CSNK1G1: variants seen among roughly 807,000 people sequenced by gnomAD.
CSNK1G1 encodes the protein casein kinase I isoform gamma-1.
Under a neutral mutation model 59.6 loss-of-function variants are expected in CSNK1G1, and 22 were observed. The ratio of observed to expected loss-of-function variants is 0.37; its 90% confidence interval spans 0.26 to 0.53. CSNK1G1 has a LOEUF of 0.53. Ranked by LOEUF, CSNK1G1 falls within the 20% of genes least tolerant of loss-of-function variation. The probability of loss-of-function intolerance (pLI) is 0.89; values close to 1 mark genes in which losing one functional copy is unlikely to be tolerated. For missense variants in CSNK1G1, 384 were observed against 519.5 expected, an observed-to-expected ratio of 0.74 and a Z score of 2.54; for synonymous variants, 179 against 177.1, an observed-to-expected ratio of 1.01 and a Z score of -0.08.
intron 10 of CSNK1G1, among the ~76,000 whole-genome samples, chr15:64,202,211 G>C (rs1024566026): frequency 6.6e-6 from 1 of 152,040 alleles, no homozygotes. Flanking sequence ...TAATTTGCCC[G>C]GGTAGAAGAA....
rs112980670 is a variant in CSNK1G1 at position 64,337,441 on chromosome 15, T to A, written c.-225+18547A>T. On this transcript the variant is annotated intron_variant, in intron 1 of 11. Transcript: ENST00000303052. ...ATAGCTCACTGCAGCCTCGAACTCC[T>A]GGGTTCAAGCTATTCTACCACTTCA... 6.9e-3 allele frequency among the ~76,000 whole-genome samples: 1,054 copies of A among 152,258 alleles called. 11 individuals are homozygous for A. Among genetic ancestry groups the A allele is most frequent in the African/African-American group, 0.017 (710 of 41,554 alleles).
At chr15:64,320,516 C>T (rs1365716194) in intron 1 of CSNK1G1, among the ~76,000 whole-genome samples, 2 of 151,354 alleles carry the variant, frequency 1.3e-5, no homozygotes, top group African/African-American at 4.9e-5. Flanking sequence ...CTGTCTCTAC[C>T]AAAAATACAA....
intron 2 of CSNK1G1, among the ~76,000 whole-genome samples, chr15:64,274,033 T>C (rs1040219629): frequency 2.0e-5 from 3 of 152,240 alleles, no homozygotes; most frequent in Admixed American, 2.0e-4. Flanking sequence ...CACAGAAGTA[T>C]AATAAGTGAG....
At chr15:64,336,005 A>T (rs554076595) in intron 1 of CSNK1G1, 2 of 152,336 alleles carry the variant, frequency 1.3e-5, no homozygotes, top group African/African-American at 4.8e-5. Context: ...CAATAAATTT[A>T]TGGAGCATGA....
At chr15:64,175,715 A>G (rs898227534) in intron 11 of CSNK1G1, among the ~76,000 whole-genome samples, 1 of 152,176 alleles carries the variant, frequency 6.6e-6, no homozygotes, top group African/African-American at 2.4e-5. Context: ...AACAACAACA[A>G]AACATCCACC....
In CSNK1G1 at chr15:64,179,179, G is replaced by C. The variant is rs77986013; in HGVS notation, c.1214+1169C>G. On this transcript the variant is annotated intron_variant, in intron 11 of 11. Transcript: ENST00000303052. The stretch of plus-strand genomic sequence containing the variant: ...GAGGATCACTTGAGCTTGGGGAATA[G>C]AGGCTGCAGTTAGCCATGATCGTGC... 8.3e-3 allele frequency among the ~76,000 whole-genome samples: 1,256 copies of C among 152,234 alleles called. 17 individuals carry two copies. Among genetic ancestry groups the C allele is most frequent in the African/African-American group, 0.028 (1,178 of 41,560 alleles).
At chr15:64,180,676 C>T (rs1030111028) in intron 10 of CSNK1G1, among the ~76,000 whole-genome samples, 3 of 152,146 alleles carry the variant, frequency 2.0e-5, no homozygotes, top group East Asian at 3.8e-4. Context: ...GTGCCTACTC[C>T]GTGTCTGACA....
At chr15:64,351,184 C>A (rs1898264353) in intron 1 of CSNK1G1, among the ~76,000 whole-genome samples, 1 of 152,068 alleles carries the variant, frequency 6.6e-6, no homozygotes, top group African/African-American at 2.4e-5. Flanking sequence ...AAAATGAGCT[C>A]TGGAAGAATA....
intron 10 of CSNK1G1, chr15:64,181,172 A>G: frequency 1.3e-6 from 2 of 1,515,058 alleles, no homozygotes; most frequent in South Asian, 2.5e-5. Flanking sequence ...TCTCCCTTGG[A>G]AAGCCAGTCT....
chr15:64,293,550 C>T (rs1246968496), intron 2 of CSNK1G1, among the ~76,000 whole-genome samples: 3 of 152,160 alleles, frequency 2.0e-5, no homozygotes, highest in African/African-American at 7.2e-5. Context: ...AACAAAATTG[C>T]AAACGTACAT....
At chr15:64,173,530 T>C (rs570105934) in intron 11 of CSNK1G1, among the ~76,000 whole-genome samples, 1 of 152,224 alleles carries the variant, frequency 6.6e-6, no homozygotes, top group South Asian at 2.1e-4. Context: ...ACCAACATTT[T>C]TGATTGTTAA....
intron 4 of CSNK1G1, among the ~76,000 whole-genome samples, chr15:64,223,874 T>C (rs1017338705): frequency 2.0e-5 from 3 of 152,238 alleles, no homozygotes; most frequent in Admixed American, 6.5e-5. Flanking sequence ...ATTTTCAGTC[T>C]GTATGAAGTT....
intron 1 of CSNK1G1, among the ~76,000 whole-genome samples, chr15:64,350,176 A>G (rs1057285441): frequency 1.3e-5 from 2 of 152,122 alleles, no homozygotes; most frequent in Non-Finnish European, 2.9e-5. Context: ...CAACAAGTGG[A>G]CTATGTTAAA....
At chr15:64,226,255 T>G (rs1199312980) in intron 4 of CSNK1G1, among the ~76,000 whole-genome samples, 1 of 152,092 alleles carries the variant, frequency 6.6e-6, no homozygotes, top group Non-Finnish European at 1.5e-5. Context: ...TAAAGTCCTT[T>G]CCCTTTCCAA....
chr15:64,272,459 C>T (rs533660562), intron 2 of CSNK1G1, among the ~76,000 whole-genome samples: 10 of 152,026 alleles, frequency 6.6e-5, no homozygotes, highest in East Asian at 3.9e-4. Flanking sequence ...CCTTGTGATC[C>T]GCCCACCTCG....
At chr15:64,196,496 G>T (rs1227739905) in intron 10 of CSNK1G1, among the ~76,000 whole-genome samples, 3 of 151,220 alleles carry the variant, frequency 2.0e-5, no homozygotes, top group African/African-American at 7.3e-5. Context: ...TTGTCCCCCA[G>T]GCTGGAGTGC....
intron 2 of CSNK1G1, among the ~76,000 whole-genome samples, chr15:64,277,668 T>TATTTAATAATATAGCAATATTGATAA (rs1275509506): frequency 7.4e-6 from 1 of 135,932 alleles, no homozygotes; most frequent in African/African-American, 2.8e-5. Context: ...AATATTGATA[T>TATTTAATAATATAGCAATATTGATAA]ATTTAATAAT....
At chr15:64,353,687 T>C (rs1898462697) in intron 1 of CSNK1G1, among the ~76,000 whole-genome samples, 3 of 150,544 alleles carry the variant, frequency 2.0e-5, no homozygotes, top group Middle Eastern at 3.5e-3. Context: ...CTTCATGGGC[T>C]GGGTGAGGTG....
At chr15:64,203,692 CGTAA>C in intron 9 of CSNK1G1, among the ~76,000 whole-genome samples, 1 of 95,876 alleles carries the variant, frequency 1.0e-5, no homozygotes, top group South Asian at 3.2e-4. Flanking sequence ...AGTGAAACTC[CGTAA>C]AAAAAAAAAA....
Sources: gnomAD v4.1 joint callset for allele counts (sites outside exome capture counted in the v4.1 genomes callset) on GRCh38, gnomAD v4.1.1 for gene constraint, MANE v1.5 for transcripts, NCBI Gene and HGNC (gene_info 2026-07-23, HGNC 2026-07-21) for gene names.